BMP7: variants seen among roughly 807,000 people sequenced by gnomAD.
The protein encoded by BMP7 is bone morphogenetic protein 7.
A neutral mutation model predicts 41.2 loss-of-function variants in BMP7; 12 were observed. The ratio of observed to expected loss-of-function variants is 0.29; its 90% CI spans 0.19 to 0.47. The LOEUF is 0.47. BMP7 is among the 20% of genes least tolerant of loss of function. The pLI, the probability that BMP7 is intolerant of heterozygous loss-of-function variation, is 0.99. For synonymous variants in BMP7, 248 were observed against 250.0 expected (o/e 0.99, Z 0.07); for missense variants, 467 against 606.0 (o/e 0.77, Z 2.41).
intron 3 of BMP7, among the ~76,000 whole-genome samples, chr20:57,193,928 C>A (rs946448574): frequency 2.6e-5 from 4 of 152,186 alleles, no homozygotes; most frequent in Non-Finnish European, 5.9e-5. Flanking sequence ...TGGAGAAGGC[C>A]CAATCGTTGC....
At chr20:57,184,539 G>A (rs181300368) in intron 3 of BMP7, among the ~76,000 whole-genome samples, 4 of 152,238 alleles carry the variant, frequency 2.6e-5, no homozygotes, top group Admixed American at 2.6e-4. Context: ...CACGAGTCAG[G>A]TCGGGTCCTA....
At chr20:57,223,802 G>A (rs986564147) in intron 2 of BMP7, among the ~76,000 whole-genome samples, 1 of 152,172 alleles carries the variant, frequency 6.6e-6, no homozygotes, top group African/African-American at 2.4e-5. Context: ...GCCCAAACAC[G>A]CTCATGGGGG....
intron 4 of BMP7, among the ~76,000 whole-genome samples, chr20:57,182,026 C>T (rs1984094312): frequency 6.6e-6 from 1 of 152,202 alleles, no homozygotes; most frequent in Non-Finnish European, 1.5e-5. Context: ...AGAAACGGCA[C>T]CCCCGGGCAG....
At chr20:57,195,649 C>A (rs895019680) in intron 3 of BMP7, among the ~76,000 whole-genome samples, 2 of 152,388 alleles carry the variant, frequency 1.3e-5, no homozygotes, top group South Asian at 4.1e-4. Context: ...GTTTCCACAG[C>A]CGCCGCAGGC....
rs1983800365 is a variant in BMP7 at position 57,170,867 on chromosome 20, CA to C, written c.*91del. 1 of 1,529,354 alleles carries C rather than the reference CA, an allele frequency of 6.5e-7. No homozygotes were observed. Among genetic ancestry groups the C allele is most frequent in the Non-Finnish European group, 8.9e-7 (1 of 1,122,458 alleles). 94.7% of individuals were successfully genotyped at this position (1,529,354 alleles called of 1,614,324 possible). ...TGGGGATAGGGAGGGGAAGGTCTCA[CA>C]AAAGGCAGTTGGTCTGCTGGTTCCT... On this transcript the variant is annotated 3_prime_UTR_variant, in exon 7 of 7. Coordinates refer to ENST00000395863, the MANE Select transcript of BMP7 (RefSeq NM_001719.3).
chr20:57,207,915 C>T (rs1051716542), intron 2 of BMP7, among the ~76,000 whole-genome samples: 1 of 150,482 alleles, frequency 6.6e-6, no homozygotes, highest in Non-Finnish European at 1.5e-5. Context: ...CTGCAAGCTC[C>T]GCTTCCCGGG....
intron 2 of BMP7, among the ~76,000 whole-genome samples, chr20:57,209,253 A>ATATATATATATATATATATATTTT (rs1984821113): frequency 1.0e-5 from 1 of 97,774 alleles, no homozygotes; most frequent in Admixed American, 9.1e-5. Context: ...ATATTTTTAT[A>ATATATATATATATATATATATTTT]TATATATATA....
At chr20:57,254,833 T>C (rs932170614) in intron 1 of BMP7, among the ~76,000 whole-genome samples, 2 of 152,160 alleles carry the variant, frequency 1.3e-5, no homozygotes, top group Non-Finnish European at 2.9e-5. Context: ...GGAAAAAAAC[T>C]GTTTCTGTGG....
intron 2 of BMP7, 23 bp from the exon 3 acceptor site, chr20:57,202,646 C>A (rs367817895): frequency 7.3e-7 from 1 of 1,369,242 alleles, no homozygotes; most frequent in Admixed American, 1.9e-5. Flanking sequence ...AGGAGAGACA[C>A]GGGCTTCGCG....
chr20:57,238,727 T>G (rs2066057260), intron 1 of BMP7, among the ~76,000 whole-genome samples: 1 of 151,120 alleles, frequency 6.6e-6, no homozygotes, highest in Non-Finnish European at 1.5e-5. Flanking sequence ...TAAATTGGAC[T>G]TGCAGCTCCA....
rs367800755 is a variant in BMP7 at position 57,265,865 on chromosome 20, C to T, written c.258G>A (p.Leu86=). Residue 86 remains leucine, a synonymous_variant, in exon 1 of 7, where the codon CTG becomes CTA. Transcript: ENST00000395863. ...HNSAPMFMLD[L]YNAMAVEEGG... The stretch of plus-strand genomic sequence containing the variant: ...CCTCCTCCACCGCCATGGCGTTGTA[C>T]AGGTCCAGCATGAACATGGGTGCCG... 6.2e-7 allele frequency: 1 copy of T among 1,605,810 alleles called. No individual in the cohort carries two copies. Among genetic ancestry groups the T allele is most frequent in the East Asian group, 2.2e-5 (1 of 44,568 alleles).
intron 1 of BMP7, among the ~76,000 whole-genome samples, chr20:57,265,377 C>G (rs897563280): frequency 2.0e-5 from 3 of 152,260 alleles, no homozygotes; most frequent in Non-Finnish European, 4.4e-5. Context: ...CGCGCCGGCC[C>G]GGGACAGCTC....
Position 57,170,433 on chromosome 20 carries a change from C to T in BMP7, c.*526G>A. ...CTTGACACAGCTTCTGTTTACGCAT[C>T]AGGATAAACCGAGAAATGGGGATAA... is the stretch of plus-strand genomic sequence containing the variant. On this transcript the variant is annotated 3_prime_UTR_variant, in exon 7 of 7. Transcript: ENST00000395863. The T allele has an allele frequency of 4.6e-6, 1 of 219,638 alleles. No individual in the cohort carries two copies. Among genetic ancestry groups the T allele is most frequent in the Non-Finnish European group, 9.2e-6 (1 of 109,026 alleles). 13.6% of individuals were successfully genotyped at this position (219,638 alleles called of 1,614,324 possible). A position where few individuals can be genotyped will look rare whatever the true frequency, so the allele number is the denominator to read the frequency against.
In BMP7 at chr20:57,259,253, C is replaced by G. The variant is rs577584463; in HGVS notation, c.418+6452G>C. Among the ~76,000 whole-genome samples the G allele has an allele frequency of 7.6e-4, 116 of 152,134 alleles. 1 individual carries two copies. Among genetic ancestry groups the G allele is most frequent in the Non-Finnish European group, 1.0e-3 (68 of 68,032 alleles). On this transcript the variant is annotated intron_variant, in intron 1 of 6. Transcript: ENST00000395863. This position sits in a 1 kb window ranked among gnomAD's most constrained non-coding sequence, Gnocchi z 4.7. ...TCACCCAGAATTAGCTGCAAAGTGTCAGGAGACTTGGCCAGGCAGCCCCAA... is the reference window on the plus strand; with the variant it reads ...TCACCCAGAATTAGCTGCAAAGTGTGAGGAGACTTGGCCAGGCAGCCCCAA...
Position 57,235,683 on chromosome 20 carries a change from G to A in BMP7, c.419-7262C>T, listed in dbSNP as rs191282626. 1.1e-4 allele frequency among the ~76,000 whole-genome samples: 17 copies of A among 152,280 alleles called. No homozygotes were observed. In the East Asian group the frequency reaches 2.9e-3, roughly 26 times the overall value. ...GAGGCAACAGCATGATCGAGGGCTC[G>A]ACAGACAAGAAACAGGGCATGCTGG... is the stretch of plus-strand genomic sequence containing the variant. On this transcript the variant is annotated intron_variant, in intron 1 of 6. Transcript: ENST00000395863.
intron 4 of BMP7, among the ~76,000 whole-genome samples, chr20:57,176,892 C>T (rs984806987): frequency 4.6e-5 from 7 of 152,090 alleles, no homozygotes; most frequent in Non-Finnish European, 1.0e-4. Flanking sequence ...TGGCTTTTCT[C>T]TGATTCATGA....
chr20:57,245,336 TG>T (rs201156411), intron 1 of BMP7, among the ~76,000 whole-genome samples: 4,102 of 152,082 alleles, frequency 0.027, 78 homozygotes, highest in Non-Finnish European at 0.041. Context: ...AAAAAAGTGG[TG>T]TTTTTTTTTA....
At chr20:57,193,353 C>T (rs1600615234) in intron 3 of BMP7, among the ~76,000 whole-genome samples, 1 of 152,260 alleles carries the variant, frequency 6.6e-6, no homozygotes, top group East Asian at 1.9e-4. Flanking sequence ...TTGCTACTGG[C>T]ATTGAGTGGG....
intron 2 of BMP7, among the ~76,000 whole-genome samples, chr20:57,210,722 G>A (rs1028045021): frequency 1.2e-4 from 18 of 152,202 alleles, no homozygotes; most frequent in Admixed American, 2.0e-4. Flanking sequence ...ACACTGTCTC[G>A]TTACCTGGGA....
Sources: allele counts gnomAD v4.1 joint callset (sites outside exome capture counted in the v4.1 genomes callset), GRCh38; gene constraint gnomAD v4.1.1; non-coding constraint Gnocchi (gnomAD v3.1); transcripts MANE v1.5; gene names NCBI Gene and HGNC (gene_info 2026-07-23, HGNC 2026-07-21).